The following KIF2C variants were observed in gnomAD, a reference collection of about 807,000 sequenced individuals.
KIF2C encodes the protein kinesin family member 2C.
KIF2C carries 34 observed loss-of-function variants against 97.4 expected under a neutral mutation model. That is an observed-to-expected ratio of 0.35 (90% CI 0.27 to 0.46). The LOEUF (loss-of-function observed/expected upper bound fraction) is 0.46, where lower values mean the gene tolerates loss of function less well. KIF2C is among the 20% of genes least tolerant of loss of function. The pLI is 1.00. For missense variants in KIF2C, 750 were observed against 907.6 expected, an observed-to-expected ratio of 0.83 and a Z score of 2.23; for synonymous variants, 313 against 318.2, an observed-to-expected ratio of 0.98 and a Z score of 0.17.
In KIF2C at chr1:44,761,924, G is replaced by A. The variant is rs371256246; in HGVS notation, c.1692G>A (p.Thr564=). ...CCACCCCTCTTTTGCAGATTGCCAC[G>A]ATCTCACCAGGCATAAGCTCCTGTG... is the stretch of plus-strand genomic sequence containing the variant. ...GENSRTCMIA[T]ISPGISSCEY... Residue 564 remains threonine (T), a synonymous_variant, in exon 17 of 21, where the codon ACG becomes ACA. Transcript: ENST00000372224. 31 of 1,613,916 alleles carry A rather than the reference G, an allele frequency of 1.9e-5. No individual in the cohort carries two copies. Among genetic ancestry groups the A allele is most frequent in the East Asian group, 2.2e-5 (1 of 44,876 alleles).
At chr1:44,762,743 T>A (rs1573576950) in intron 19 of KIF2C, 85 bp downstream of exon 19, 1 of 865,778 alleles carries the variant, frequency 1.2e-6, no homozygotes, top group African/African-American at 1.6e-5. Flanking sequence ...GACCTGGGCC[T>A]TGTTCCCACA....
intron 4 of KIF2C, among the ~76,000 whole-genome samples, chr1:44,748,707 A>ATTTTTTTTT (rs928683142): frequency 9.7e-5 from 12 of 123,136 alleles, no homozygotes; most frequent in African/African-American, 3.9e-4. Context: ...CACCTGGCTA[A>ATTTTTTTTT]TTTTTTTTTT....
chr1:44,750,606 T>C, intron 5 of KIF2C, 42 bp downstream of exon 5: 15 of 1,452,344 alleles, frequency 1.0e-5, no homozygotes, highest in Non-Finnish European at 1.3e-5. Context: ...TTTGAGGCCC[T>C]GGAGCACATT....
rs763210146 is a variant in KIF2C, at chr1:44,756,107, A to G, written c.847A>G (p.Ile283Val). 2.5e-6 allele frequency: 4 copies of G among 1,614,190 alleles called. No homozygotes were observed. Among genetic ancestry groups the G allele is most frequent in the South Asian group, 2.2e-5 (2 of 91,090 alleles). ...LAKKEIDVIS[I>V]PSKCLLLVHE... ...CAAGAAAGAAATTGATGTGATTTCC[A>G]TTCCTAGCAAGTGTCTCCTCTTGGT... is the stretch of plus-strand genomic sequence containing the variant. Residue 283 changes from isoleucine to valine, a missense_variant, in exon 10 of 21, where the codon ATT becomes GTT. Ile to Val is a conservative substitution (Grantham distance 29). Coordinates refer to ENST00000372224, the MANE Select transcript of KIF2C (RefSeq NM_006845.4).
chr1:44,754,708 T>A (rs551986233), intron 7 of KIF2C, 42 bp from the exon 8 acceptor site: 16 of 1,179,744 alleles, frequency 1.4e-5, no homozygotes, highest in Non-Finnish European at 1.9e-5. Flanking sequence ...AGAGCACTTA[T>A]ATCTTAACAG....
chr1:44,744,082 T>G (rs1420759410), intron 2 of KIF2C, among the ~76,000 whole-genome samples: 1 of 131,036 alleles, frequency 7.6e-6, no homozygotes, highest in Non-Finnish European at 1.7e-5. Context: ...GCTCTGGTTT[T>G]TTTTTTTGTT....
At chr1:44,742,258 C>A (rs935224141) in intron 2 of KIF2C, among the ~76,000 whole-genome samples, 12 of 151,800 alleles carry the variant, frequency 7.9e-5, no homozygotes, top group Admixed American at 2.0e-4. Context: ...TACAGGTGCC[C>A]GCCACTACGC....
chr1:44,760,389 C>T lies in KIF2C; in HGVS notation c.1477C>T (p.Leu493=). The part of the protein sequence containing the change: ...RMHGKFSLVD[L]AGNERGADTS... ...GCATGGCAAGTTCTCTTTGGTAGATCTGGCAGGGAATGAGCGAGGCGCGGA... is the reference window on the plus strand; with the variant it reads ...GCATGGCAAGTTCTCTTTGGTAGATTTGGCAGGGAATGAGCGAGGCGCGGA... Residue 493 remains leucine, a synonymous_variant, in exon 15 of 21, where the codon CTG becomes TTG. Coordinates refer to ENST00000372224, the MANE Select transcript of KIF2C (RefSeq NM_006845.4). The surrounding 1 kb of genome is among the most constrained non-coding windows in gnomAD (Gnocchi z 4.2). The T allele has an allele frequency of 6.2e-7, 1 of 1,614,212 alleles. No homozygotes were observed. The highest frequency in any genetic ancestry group is 8.5e-7 in the Non-Finnish European group (1 of 1,180,040).
rs534722796 is a variant in KIF2C, at chr1:44,748,231, G to A, written c.316+531G>A. ...ACATGATAGACTGTGACTCTAGGGG[G>A]TAAGCTTCCCAAAAGATCCAGCTTA... On this transcript the variant is annotated intron_variant, in intron 4 of 20. Coordinates refer to ENST00000372224, the MANE Select transcript of KIF2C (RefSeq NM_006845.4). 5.3e-5 allele frequency among the ~76,000 whole-genome samples: 8 copies of A among 152,180 alleles called. No homozygotes were observed. The South Asian group carries it at 6.2e-4, about 12-fold the overall frequency.
chr1:44,746,924 G>C (rs1649230390), intron 2 of KIF2C, among the ~76,000 whole-genome samples: 1 of 151,812 alleles, frequency 6.6e-6, no homozygotes, highest in Admixed American at 6.6e-5. Flanking sequence ...TTGAGACAGA[G>C]TCTTGCTCTG....
At chr1:44,747,594 A>C in intron 3 of KIF2C, 58 bp from the exon 4 acceptor site, 1 of 1,563,644 alleles carries the variant, frequency 6.4e-7, no homozygotes, top group Non-Finnish European at 8.8e-7. Flanking sequence ...TGGGCCCAGG[A>C]TGGGCCCTTG....
intron 19 of KIF2C, among the ~76,000 whole-genome samples, chr1:44,766,559 C>T (rs1412681829): frequency 1.3e-5 from 2 of 151,478 alleles, no homozygotes; most frequent in South Asian, 2.1e-4. Flanking sequence ...TATGGTGAGC[C>T]GAGATCACGC....
chr1:44,750,325 C>T (rs1649440419), intron 4 of KIF2C, 117 bp from the exon 5 acceptor site: 6 of 1,118,992 alleles, frequency 5.4e-6, no homozygotes, highest in Admixed American at 6.2e-5. Context: ...GGGAAGTTGG[C>T]GAGCCCCTTT....
chr1:44,750,340 G>T, intron 4 of KIF2C, 102 bp from the exon 5 acceptor site: 1 of 1,239,650 alleles, frequency 8.1e-7, no homozygotes, highest in Non-Finnish European at 1.0e-6. Flanking sequence ...CCCTTTCCTG[G>T]TAGCTGGGAC....
At chr1:44,756,885 C>G (rs1034596837) in intron 10 of KIF2C, among the ~76,000 whole-genome samples, 1 of 151,074 alleles carries the variant, frequency 6.6e-6, no homozygotes, top group Admixed American at 6.6e-5. Context: ...GCACCCAGTA[C>G]CCTCATAGGG....
At chr1:44,765,759 A>G (rs1650427093) in intron 19 of KIF2C, among the ~76,000 whole-genome samples, 1 of 151,812 alleles carries the variant, frequency 6.6e-6, no homozygotes, top group Non-Finnish European at 1.5e-5. Flanking sequence ...ATTATTTAAA[A>G]AGAATCATTT....
intron 19 of KIF2C, among the ~76,000 whole-genome samples, chr1:44,764,291 T>G (rs2148835617): frequency 6.6e-6 from 1 of 150,676 alleles, no homozygotes; most frequent in African/African-American, 2.4e-5. Context: ...TTCTCCTTCC[T>G]CAGCCTCCTG....
In KIF2C at chr1:44,760,832, A is replaced by T; in HGVS notation, c.1683+130A>T. 1.4e-6 allele frequency: 1 copy of T among 707,584 alleles called. No individual in the cohort carries two copies. Among genetic ancestry groups the T allele is most frequent in the South Asian group, 1.7e-5 (1 of 57,794 alleles). The allele number at this position is 707,584 out of a possible 1,614,324, so 43.8% of individuals were successfully genotyped here. A position where few individuals can be genotyped will look rare whatever the true frequency, so the allele number is the denominator to read the frequency against. On this transcript the variant is annotated intron_variant, in intron 16 of 20. Transcript: ENST00000372224. This position sits in a 1 kb window ranked among gnomAD's most constrained non-coding sequence, Gnocchi z 4.2. ...GCCTGGGTTTCCAGGCTGTACCGTGACTGGGCTTCCAGACCCTGCTTTAAT... is the reference window on the plus strand; with the variant it reads ...GCCTGGGTTTCCAGGCTGTACCGTGTCTGGGCTTCCAGACCCTGCTTTAAT...
chr1:44,755,849 G>A, intron 8 of KIF2C, 80 bp from the exon 9 acceptor site: 1 of 1,321,412 alleles, frequency 7.6e-7, no homozygotes, highest in Non-Finnish European at 1.1e-6. Context: ...GGATTGGAAG[G>A]GGTGGGAGTT....
Sources: allele counts gnomAD v4.1 joint callset (sites outside exome capture counted in the v4.1 genomes callset), GRCh38; gene constraint gnomAD v4.1.1; non-coding constraint Gnocchi (gnomAD v3.1); transcripts MANE v1.5; gene names NCBI Gene and HGNC (gene_info 2026-07-23, HGNC 2026-07-21).